TRPM7: variants seen among roughly 807,000 people sequenced by gnomAD.
The protein encoded by TRPM7 is LTRPC ion channel family member 7.
Under a neutral mutation model 229.7 loss-of-function variants are expected in TRPM7, and 134 were observed. The observed-to-expected ratio is 0.58, with a 90% CI of 0.51 to 0.67. TRPM7 has a LOEUF of 0.67. Among genes scored for constraint, TRPM7 ranks in the 30% least tolerant of loss-of-function variants. The pLI is 0.00. For missense variants in TRPM7, 1,901 were observed against 2,210.0 expected (o/e 0.86, Z 2.80); for synonymous variants, 699 against 715.2 (o/e 0.98, Z 0.36).
intron 1 of TRPM7, 68 bp from the exon 2 acceptor site, chr15:50,663,114 G>A: frequency 8.3e-7 from 1 of 1,204,536 alleles, no homozygotes; most frequent in Non-Finnish European, 1.2e-6. Flanking sequence ...ACAATTTCAT[G>A]ATAAACACAT....
chr15:50,667,443 C>T (rs8033243), intron 1 of TRPM7, among the ~76,000 whole-genome samples: 18 of 152,180 alleles, frequency 1.2e-4, no homozygotes, highest in Non-Finnish European at 2.5e-4. Context: ...CAGTGGTTCA[C>T]GCCTGTAATC....
At chr15:50,663,130 G>A in intron 1 of TRPM7, 84 bp from the exon 2 acceptor site, 2 of 1,048,644 alleles carry the variant, frequency 1.9e-6, no homozygotes, top group South Asian at 1.4e-5. Context: ...CACATAAACA[G>A]TTCTTTTTTT....
intron 31 of TRPM7, among the ~76,000 whole-genome samples, chr15:50,577,527 C>A (rs2054193132): frequency 6.6e-6 from 1 of 152,144 alleles, no homozygotes; most frequent in African/African-American, 2.4e-5. Flanking sequence ...CTACTCCAGC[C>A]TGGACGACAG....
At chr15:50,584,269 A>AT (rs551049978) in intron 28 of TRPM7, among the ~76,000 whole-genome samples, 60 of 152,332 alleles carry the variant, frequency 3.9e-4, no homozygotes, top group African/African-American at 1.4e-3. Flanking sequence ...AGACTGAGAT[A>AT]TATTAGAAGA....
At chr15:50,625,968 T>C (rs1020708493) in intron 11 of TRPM7, among the ~76,000 whole-genome samples, 1 of 152,218 alleles carries the variant, frequency 6.6e-6, no homozygotes, top group African/African-American at 2.4e-5. Flanking sequence ...ATAATCCTAA[T>C]GTTATTACTT....
intron 1 of TRPM7, among the ~76,000 whole-genome samples, chr15:50,682,302 A>C (rs1262497686): frequency 6.6e-6 from 1 of 151,960 alleles, no homozygotes. Context: ...TAAAACCCCT[A>C]CGTGGACAGA....
Position 50,679,522 on chromosome 15 carries a change from AT to A in TRPM7, c.3+7008del, listed in dbSNP as rs1254114178. Among the ~76,000 whole-genome samples the A allele has an allele frequency of 2.1e-4, 5 of 23,324 alleles. 1 individual carries two copies. The highest frequency in any genetic ancestry group is 6.8e-4 in the African/African-American group (5 of 7,318). The allele number at this position is 23,324 out of a possible 152,430, so 15.3% of individuals were successfully genotyped here. The stretch of plus-strand genomic sequence containing the variant: ...ATGTGTATATATATAATATATATAT[AT>A]ATATATATATATATATTTTTTTTTT... On this transcript the variant is annotated intron_variant, in intron 1 of 38. Transcript: ENST00000646667.
intron 3 of TRPM7, among the ~76,000 whole-genome samples, chr15:50,652,596 G>A (rs1027997392): frequency 2.7e-5 from 4 of 150,712 alleles, no homozygotes; most frequent in African/African-American, 9.7e-5. Context: ...CTTCACTGGT[G>A]AATTTCATCA....
chr15:50,585,694 C>T (rs1473497868), intron 28 of TRPM7, among the ~76,000 whole-genome samples: 1 of 151,982 alleles, frequency 6.6e-6, no homozygotes, highest in African/African-American at 2.4e-5. Flanking sequence ...ATTCAGTATG[C>T]CAAAGGAAAA....
At chr15:50,619,488 C>T (rs1444577762) in intron 13 of TRPM7, among the ~76,000 whole-genome samples, 1 of 152,072 alleles carries the variant, frequency 6.6e-6, no homozygotes, top group Non-Finnish European at 1.5e-5. Context: ...TGCCGAAATG[C>T]TGGGATTACA....
intron 30 of TRPM7, 78 bp from the exon 31 acceptor site, chr15:50,578,742 T>C: frequency 4.1e-6 from 4 of 980,716 alleles, no homozygotes; most frequent in Non-Finnish European, 4.3e-6. Flanking sequence ...TTTGATTTTA[T>C]ACAATTATTA....
At chr15:50,576,802 G>T (rs1266194494) in intron 31 of TRPM7, among the ~76,000 whole-genome samples, 3 of 152,134 alleles carry the variant, frequency 2.0e-5, no homozygotes, top group Non-Finnish European at 4.4e-5. Flanking sequence ...CAGAAACAGG[G>T]AATATCAAAT....
At chr15:50,610,963 C>T in intron 17 of TRPM7, 130 bp downstream of exon 17, 1 of 685,388 alleles carries the variant, frequency 1.5e-6, no homozygotes, top group East Asian at 2.7e-5. Flanking sequence ...TGCCAATCAT[C>T]CATCTTGCTC....
rs199928596 is a variant in TRPM7 at position 50,637,448 on chromosome 15, G to C, written c.806C>G (p.Thr269Ser). The C allele has an allele frequency of 2.8e-4, 446 of 1,611,494 alleles. No homozygotes were observed. The highest frequency in any genetic ancestry group is 3.6e-4 in the Non-Finnish European group (425 of 1,179,526). The stretch of plus-strand genomic sequence containing the variant: ...AGCATGAATTCTTTGCTGATTAATA[G>C]TTTTTTCAAGTTCTCTTCTCAGTCT... ...EVRLRRELEK[T>S]INQQRIHARI... Residue 269 changes from threonine to serine, a missense_variant, in exon 7 of 39, where the codon ACT becomes AGT. Transcript: ENST00000646667.
chr15:50,671,637 T>G (rs923456772), intron 1 of TRPM7, among the ~76,000 whole-genome samples: 10 of 104,930 alleles, frequency 9.5e-5, no homozygotes, highest in South Asian at 3.0e-4. Flanking sequence ...AATGAGATCC[T>G]GTCGCTACAA....
chr15:50,621,157 C>CAA (rs35848629), intron 12 of TRPM7, among the ~76,000 whole-genome samples: 2,215 of 50,316 alleles, frequency 0.044, 136 homozygotes, highest in African/African-American at 0.1. Flanking sequence ...GACTCCGTCT[C>CAA]AAAAAAAAAA....
chr15:50,683,728 C>T (rs922158737), intron 1 of TRPM7, among the ~76,000 whole-genome samples: 1 of 151,826 alleles, frequency 6.6e-6, no homozygotes, highest in African/African-American at 2.4e-5. Context: ...CCAAAAAAAA[C>T]AAAATAAAAC....
At chr15:50,646,079 T>C (rs2061254418) in intron 4 of TRPM7, among the ~76,000 whole-genome samples, 1 of 145,722 alleles carries the variant, frequency 6.9e-6, no homozygotes, top group South Asian at 2.2e-4. Flanking sequence ...ATCGCGCCAC[T>C]GCACTCCAGC....
chr15:50,631,365 T>C (rs1236824726), intron 10 of TRPM7, 52 bp downstream of exon 10: 4 of 1,129,706 alleles, frequency 3.5e-6, no homozygotes, highest in East Asian at 4.7e-5. Context: ...CACACACATA[T>C]ACATACATAA....
Sources: allele counts gnomAD v4.1 joint callset (sites outside exome capture counted in the v4.1 genomes callset), GRCh38; gene constraint gnomAD v4.1.1; transcripts MANE v1.5; gene names NCBI Gene and HGNC (gene_info 2026-07-23, HGNC 2026-07-21).